SHC3: variants seen among roughly 807,000 people sequenced by gnomAD.
The protein encoded by SHC3 is SHC-transforming protein 3.
In SHC3, 15 loss-of-function variants were observed where a neutral mutation model predicts 60.4. That is an observed-to-expected ratio of 0.25 (90% CI 0.17 to 0.38). The LOEUF is 0.38. Among genes scored for constraint, SHC3 ranks in the 10% least tolerant of loss-of-function variants. The pLI, the probability that SHC3 is intolerant of heterozygous loss-of-function variation, is 1.00. For missense variants in SHC3, 677 were observed against 786.1 expected (o/e 0.86, Z 1.66); for synonymous variants, 294 against 325.9 (o/e 0.90, Z 1.05).
intron 11 of SHC3, among the ~76,000 whole-genome samples, chr9:89,026,991 G>A (rs1826320651): frequency 1.3e-5 from 2 of 152,196 alleles, no homozygotes; most frequent in South Asian, 4.1e-4. Flanking sequence ...TTGCCCAAGA[G>A]TCAGCAAAGT....
At chr9:89,019,783 T>C (rs762959601) in intron 11 of SHC3, among the ~76,000 whole-genome samples, 8 of 152,200 alleles carry the variant, frequency 5.3e-5, no homozygotes, top group Non-Finnish European at 8.8e-5. Context: ...ATATTTCATA[T>C]TTATGGATAG....
At chr9:89,036,553 G>A (rs555769549) in intron 11 of SHC3, among the ~76,000 whole-genome samples, 4 of 152,150 alleles carry the variant, frequency 2.6e-5, no homozygotes, top group Non-Finnish European at 5.9e-5. Context: ...TAGCAGCTTA[G>A]TCATCCTTCT....
chr9:89,132,885 C>T (rs1462718339), intron 1 of SHC3, among the ~76,000 whole-genome samples: 3 of 152,100 alleles, frequency 2.0e-5, no homozygotes, highest in Non-Finnish European at 4.4e-5. Context: ...AAAGCAATGG[C>T]AACAAAAGCC....
At chr9:89,052,805 A>C (rs1223570712) in intron 6 of SHC3, among the ~76,000 whole-genome samples, 3 of 152,232 alleles carry the variant, frequency 2.0e-5, no homozygotes, top group African/African-American at 7.2e-5. Flanking sequence ...ATTCATGCAG[A>C]TTCTCAGAAA....
chr9:89,023,980 G>C (rs1587679303), intron 11 of SHC3, among the ~76,000 whole-genome samples: 1 of 152,226 alleles, frequency 6.6e-6, no homozygotes, highest in African/African-American at 2.4e-5. Flanking sequence ...TCTGGGGTGG[G>C]AGCTGAGGAT....
At chr9:89,040,823 G>A (rs1214905830) in intron 10 of SHC3, among the ~76,000 whole-genome samples, 1 of 152,310 alleles carries the variant, frequency 6.6e-6, no homozygotes, top group East Asian at 1.9e-4. Flanking sequence ...CAAAATGGGG[G>A]TCCAGTGTGT....
intron 1 of SHC3, among the ~76,000 whole-genome samples, chr9:89,171,029 G>A (rs1826861554): frequency 1.3e-5 from 2 of 152,114 alleles, no homozygotes; most frequent in Non-Finnish European, 2.9e-5. Flanking sequence ...ATCTTCCGGA[G>A]GGACAATAAG....
At chr9:89,085,646 C>T (rs554637643) in intron 2 of SHC3, among the ~76,000 whole-genome samples, 64 of 152,342 alleles carry the variant, frequency 4.2e-4, no homozygotes, top group Admixed American at 8.5e-4. Context: ...TGTTCCACTC[C>T]GGGACCTAAT....
At chr9:89,030,028 G>T (rs1027593699) in intron 11 of SHC3, among the ~76,000 whole-genome samples, 5 of 152,028 alleles carry the variant, frequency 3.3e-5, no homozygotes, top group African/African-American at 1.2e-4. Context: ...GGAGAGAAAA[G>T]AATGTGTCTC....
chr9:89,053,299 C>A (rs1165277236), intron 6 of SHC3, among the ~76,000 whole-genome samples: 1 of 152,198 alleles, frequency 6.6e-6, no homozygotes, highest in Non-Finnish European at 1.5e-5. Context: ...GAGGAGGATG[C>A]ATTTCTTCAT....
At chr9:89,140,770 C>G (rs1826381795) in intron 1 of SHC3, among the ~76,000 whole-genome samples, 2 of 152,060 alleles carry the variant, frequency 1.3e-5, no homozygotes, top group African/African-American at 4.8e-5. Flanking sequence ...CTGTTTTTCT[C>G]CAGGAGTTCT....
intron 2 of SHC3, among the ~76,000 whole-genome samples, chr9:89,097,462 G>A (rs1825721682): frequency 6.6e-6 from 1 of 152,198 alleles, no homozygotes; most frequent in Non-Finnish European, 1.5e-5. Context: ...ATCCTACTAA[G>A]CAGATGCAGA....
intron 6 of SHC3, among the ~76,000 whole-genome samples, chr9:89,060,389 G>A (rs897054710): frequency 6.6e-6 from 1 of 151,950 alleles, no homozygotes; most frequent in Non-Finnish European, 1.5e-5. Flanking sequence ...TATGCTGGAA[G>A]ATGCTTGGTG....
intron 1 of SHC3, among the ~76,000 whole-genome samples, chr9:89,137,664 G>T (rs1371972401): frequency 6.6e-6 from 1 of 152,162 alleles, no homozygotes. Flanking sequence ...AAAACGTCTA[G>T]GGGTGGAGAC....
chr9:89,098,374 T>C (rs553176948), intron 2 of SHC3, among the ~76,000 whole-genome samples: 15 of 152,330 alleles, frequency 9.8e-5, no homozygotes, highest in African/African-American at 2.6e-4. Context: ...ATTAGGTAAT[T>C]GTGTTCTGTC....
intron 11 of SHC3, among the ~76,000 whole-genome samples, chr9:89,029,136 C>A (rs1481667313): frequency 6.6e-6 from 1 of 151,378 alleles, no homozygotes. Context: ...TTTGGAAAGA[C>A]AAGAGACAAG....
intron 2 of SHC3, among the ~76,000 whole-genome samples, chr9:89,091,364 G>A (rs1247538092): frequency 6.6e-6 from 1 of 152,240 alleles, no homozygotes; most frequent in Non-Finnish European, 1.5e-5. Flanking sequence ...GAAATTAGGT[G>A]TTCAGAAACA....
At chr9:89,040,953 G>A (rs1824678028) in intron 10 of SHC3, among the ~76,000 whole-genome samples, 1 of 152,222 alleles carries the variant, frequency 6.6e-6, no homozygotes, top group Non-Finnish European at 1.5e-5. Flanking sequence ...TATTGGACCA[G>A]CAAGGCTGCC....
At chr9:89,088,580 T>C (rs143708992) in intron 2 of SHC3, 11 of 152,270 alleles carry the variant, frequency 7.2e-5, no homozygotes, top group African/African-American at 2.2e-4. Flanking sequence ...CCTTTAGAAA[T>C]AAAAACTCCA....
Sources: allele counts gnomAD v4.1 joint callset (sites outside exome capture counted in the v4.1 genomes callset), GRCh38; gene constraint gnomAD v4.1.1; transcripts MANE v1.5; gene names NCBI Gene and HGNC (gene_info 2026-07-23, HGNC 2026-07-21).